Variants in TENM2 observed in about 807,000 individuals in gnomAD.
TENM2 encodes the protein teneurin-2.
TENM2 carries 52 observed loss-of-function variants against 245.2 expected under a neutral mutation model. The observed-to-expected ratio is 0.21, with a 90% CI of 0.17 to 0.27. TENM2 has a LOEUF of 0.27. TENM2 is among the 10% of genes least tolerant of loss of function. The pLI, the probability that TENM2 is intolerant of heterozygous loss-of-function variation, is 1.00. For synonymous variants in TENM2, 1,363 were observed against 1,438.9 expected, an observed-to-expected ratio of 0.95 and a Z score of 1.19; for missense variants, 3,046 against 3,666.8, an observed-to-expected ratio of 0.83 and a Z score of 4.37.
At position 167,742,495 on chromosome 5, in the gene TENM2, T is replaced by C. The variant is rs1032299192; in HGVS notation, c.503-133491T>C. 9.9e-5 allele frequency among the ~76,000 whole-genome samples: 15 copies of C among 152,214 alleles called. No individual in the cohort carries two copies. The South Asian group carries it at 2.7e-3, about 27-fold the overall frequency. On this transcript the variant is annotated intron_variant, in intron 2 of 28. Coordinates refer to ENST00000518659, the Ensembl canonical transcript of TENM2. ...TTTTTTCTTGCTGTGTATATGTCCATGTGGTTAGTATGTTAGCAGCTCCTA... is the reference window on the plus strand; with the variant it reads ...TTTTTTCTTGCTGTGTATATGTCCACGTGGTTAGTATGTTAGCAGCTCCTA...
chr5:167,012,002 A>G, the TENM2 span, among the ~76,000 whole-genome samples: 1 of 152,048 alleles, frequency 6.6e-6, no homozygotes, highest in Non-Finnish European at 1.5e-5. Context: ...TGATTGCTAC[A>G]TTGCTGTCAG....
At chr5:168,262,450 G>A (rs374278776) in exon 29 of TENM2, 133 of 1,569,092 alleles carry the variant, frequency 8.5e-5, no homozygotes, top group Admixed American at 4.3e-4. Context: ...CCCAGCCCAC[G>A]CTGCTGGTCA....
Position 168,244,776 on chromosome 5 carries a change from CTT to C in TENM2, c.5817+70_5817+71del, listed in dbSNP as rs139210116. Reference sequence around the variant, plus strand: ...TCTGTTATTTCTGTTATTCCGGCTTCTTTTTTTTTTTGAGACAGAGACTTGCT... The same window carrying C: ...TCTGTTATTTCTGTTATTCCGGCTTCTTTTTTTTTGAGACAGAGACTTGCT... On this transcript the variant is annotated intron_variant, in intron 26 of 28. Transcript: ENST00000518659. The surrounding 1 kb of genome is among the most constrained non-coding windows in gnomAD (Gnocchi z 4.9). 3.3e-4 allele frequency: 360 copies of C among 1,078,580 alleles called. No individual in the cohort carries two copies. Among genetic ancestry groups the C allele is most frequent in the South Asian group, 7.3e-4 (28 of 38,380 alleles). 66.8% of individuals were successfully genotyped at this position (1,078,580 alleles called of 1,614,324 possible). A position where few individuals can be genotyped will look rare whatever the true frequency, so the allele number is the denominator to read the frequency against.
At position 168,153,347 on chromosome 5, in the gene TENM2, G is replaced by T. The variant is rs894562924; in HGVS notation, c.2423-9264G>T. Among the ~76,000 whole-genome samples the T allele has an allele frequency of 3.3e-5, 5 of 152,172 alleles. No homozygotes were observed. The East Asian group carries it at 9.7e-4, about 29-fold the overall frequency. ...TGAAAGTGCGGCCCAGTTAAGACCCGTTGCTTTAAACAAAGGGTTCATTAG... is the reference window on the plus strand; with the variant it reads ...TGAAAGTGCGGCCCAGTTAAGACCCTTTGCTTTAAACAAAGGGTTCATTAG... On this transcript the variant is annotated intron_variant, in intron 12 of 28. Coordinates refer to ENST00000518659, the Ensembl canonical transcript of TENM2.
At chr5:168,001,501 G>T (rs918204182) in intron 5 of TENM2, among the ~76,000 whole-genome samples, 1 of 152,164 alleles carries the variant, frequency 6.6e-6, no homozygotes, top group African/African-American at 2.4e-5. Flanking sequence ...GAAAGCAATC[G>T]CTACAAGGCA....
At chr5:167,723,325 C>T (rs1303862812) in intron 2 of TENM2, among the ~76,000 whole-genome samples, 5 of 152,186 alleles carry the variant, frequency 3.3e-5, no homozygotes, top group Non-Finnish European at 7.3e-5. Flanking sequence ...CCCTTGCTCA[C>T]TCTTGTGCAG....
At chr5:168,224,823 A>ACTC (rs1413301974) in intron 23 of TENM2, among the ~76,000 whole-genome samples, 1 of 151,438 alleles carries the variant, frequency 6.6e-6, no homozygotes, top group Non-Finnish European at 1.5e-5. Flanking sequence ...CAGTAACAAA[A>ACTC]CTCATCTGGG....
chr5:166,986,537 T>C, the TENM2 span, among the ~76,000 whole-genome samples: 1 of 152,220 alleles, frequency 6.6e-6, no homozygotes, highest in South Asian at 2.1e-4. Context: ...ATCTTATTTA[T>C]ATAATTCTTC....
At chr5:167,657,280 G>A (rs991258744) in intron 2 of TENM2, among the ~76,000 whole-genome samples, 4 of 152,178 alleles carry the variant, frequency 2.6e-5, no homozygotes, top group African/African-American at 9.7e-5. Context: ...ATATCCTTCA[G>A]TTCCACCCAT....
At chr5:167,666,645 T>A (rs1380166) in intron 2 of TENM2, among the ~76,000 whole-genome samples, 30,470 of 152,136 alleles carry the variant, frequency 0.2, 3,520 homozygotes, top group East Asian at 0.51. Context: ...CTTCATATAT[T>A]ACTAGCTTTT....
chr5:167,255,620 A>G, the TENM2 span, among the ~76,000 whole-genome samples: 3 of 152,102 alleles, frequency 2.0e-5, no homozygotes, highest in Admixed American at 2.0e-4. Context: ...GTAGATTTCG[A>G]TTTTTTGTGG....
At chr5:167,703,003 A>G (rs936531368) in intron 2 of TENM2, among the ~76,000 whole-genome samples, 4 of 150,844 alleles carry the variant, frequency 2.7e-5, no homozygotes, top group African/African-American at 7.3e-5. Flanking sequence ...TACACACACA[A>G]CCTCTCTCCC....
At chr5:168,136,303 A>G (rs528234487) in intron 12 of TENM2, among the ~76,000 whole-genome samples, 1 of 152,178 alleles carries the variant, frequency 6.6e-6, no homozygotes, top group East Asian at 1.9e-4. Context: ...TGCAAAGCTC[A>G]CTCCACACTT....
intron 6 of TENM2, among the ~76,000 whole-genome samples, chr5:168,059,204 A>G (rs189821815): frequency 1.3e-5 from 2 of 152,310 alleles, no homozygotes; most frequent in East Asian, 1.9e-4. Context: ...CACTGCTATA[A>G]GAAGCACTGG....
the TENM2 span, among the ~76,000 whole-genome samples, chr5:167,023,876 G>A: frequency 6.6e-6 from 1 of 152,106 alleles, no homozygotes; most frequent in Non-Finnish European, 1.5e-5. Context: ...CCCAGTATCT[G>A]CACTGATTTG....
chr5:167,694,318 G>A (rs1757625226), intron 2 of TENM2, among the ~76,000 whole-genome samples: 1 of 152,140 alleles, frequency 6.6e-6, no homozygotes. Flanking sequence ...GAATTGGTCA[G>A]GGTGTGGCCT....
intron 1 of TENM2, chr5:167,303,096 A>C (rs904907590): frequency 1.9e-5 from 3 of 154,988 alleles, no homozygotes; most frequent in African/African-American, 7.2e-5. Context: ...GAGAGGTTGG[A>C]GAAGAGAGTA....
the TENM2 span, among the ~76,000 whole-genome samples, chr5:166,984,707 C>T: frequency 2.0e-5 from 3 of 152,134 alleles, no homozygotes; most frequent in African/African-American, 2.4e-5. Context: ...TAGCTATATT[C>T]GTGCATATGG....
chr5:167,364,925 T>C (rs1331381031), intron 1 of TENM2, among the ~76,000 whole-genome samples: 3 of 152,036 alleles, frequency 2.0e-5, no homozygotes, highest in African/African-American at 7.2e-5. Context: ...ATATAGGATA[T>C]AGAGAATTTG....
Sources: allele counts gnomAD v4.1 joint callset (sites outside exome capture counted in the v4.1 genomes callset), GRCh38; gene constraint gnomAD v4.1.1; non-coding constraint Gnocchi (gnomAD v3.1); transcripts MANE v1.5; gene names NCBI Gene and HGNC (gene_info 2026-07-23, HGNC 2026-07-21).